The following CAPZB variants were observed in gnomAD, a reference collection of about 807,000 sequenced individuals.
The protein encoded by CAPZB is capping actin protein of muscle Z-line subunit beta.
Under a neutral mutation model 38.1 loss-of-function variants are expected in CAPZB, and 2 were observed. The observed-to-expected ratio is 0.05, with a 90% CI of 0.02 to 0.17. CAPZB has a LOEUF of 0.17. CAPZB is among the 10% of genes least tolerant of loss of function. The probability of loss-of-function intolerance (pLI) is 1.00; values close to 1 mark genes in which losing one functional copy is unlikely to be tolerated. For missense variants in CAPZB, 161 were observed against 334.2 expected (o/e 0.48, Z 4.04); for synonymous variants, 107 against 127.4 (o/e 0.84, Z 1.08).
chr1:19,376,726 G>T (rs1284856404), intron 4 of CAPZB, among the ~76,000 whole-genome samples: 1 of 152,226 alleles, frequency 6.6e-6, no homozygotes, highest in African/African-American at 2.4e-5. Context: ...CCACAATGGA[G>T]TGTGGTGAGG....
intron 1 of CAPZB, among the ~76,000 whole-genome samples, chr1:19,450,731 A>G (rs554284689): frequency 1.3e-5 from 2 of 152,300 alleles, no homozygotes; most frequent in Non-Finnish European, 2.9e-5. Flanking sequence ...CTATCCTTTC[A>G]CACTTGTGCA....
chr1:19,411,073 G>GTGGCTCACAC (rs1228564884), intron 2 of CAPZB, among the ~76,000 whole-genome samples: 2 of 152,222 alleles, frequency 1.3e-5, no homozygotes, highest in Non-Finnish European at 2.9e-5. Flanking sequence ...GCCAGGCACA[G>GTGGCTCACAC]TGGCTCACAC....
chr1:19,447,068 C>A (rs949802461), intron 1 of CAPZB, among the ~76,000 whole-genome samples: 1 of 152,172 alleles, frequency 6.6e-6, no homozygotes, highest in Non-Finnish European at 1.5e-5. Flanking sequence ...AAAAATGACA[C>A]CTGCCACACT....
At chr1:19,370,158 G>C (rs2094112205) in intron 4 of CAPZB, among the ~76,000 whole-genome samples, 1 of 152,166 alleles carries the variant, frequency 6.6e-6, no homozygotes, top group African/African-American at 2.4e-5. Context: ...TCCTGTTCCG[G>C]CCTCCACTCA....
At chr1:19,459,354 CGTTAAAGTT>C (rs1339991758) in intron 1 of CAPZB, among the ~76,000 whole-genome samples, 1 of 152,054 alleles carries the variant, frequency 6.6e-6, no homozygotes, top group African/African-American at 2.4e-5. Context: ...AATGAAAAGT[CGTTAAAGTT>C]GTTAAAGTTC....
rs1036806860 is a variant in CAPZB at position 19,378,664 on chromosome 1, G to A, written c.216-11C>T. The A allele has an allele frequency of 4.9e-6, 7 of 1,416,836 alleles. No individual in the cohort carries two copies. The Admixed American group carries it at 5.0e-5, about 10-fold the overall frequency. 87.8% of individuals were successfully genotyped at this position (1,416,836 alleles called of 1,614,324 possible). A position where few individuals can be genotyped will look rare whatever the true frequency, so the allele number is the denominator to read the frequency against. ...TTACTCCATGGTGACCTGGAGGGAA[G>A]GAAGGAAAAGTATATACCATGAATC... On this transcript the variant is annotated splice_polypyrimidine_tract_variant and intron_variant, in intron 3 of 8. Transcript: ENST00000264202.
intron 8 of CAPZB, among the ~76,000 whole-genome samples, chr1:19,340,926 G>A (rs781293318): frequency 2.0e-5 from 3 of 152,136 alleles, no homozygotes; most frequent in East Asian, 1.9e-4. Flanking sequence ...GGACTCTCAC[G>A]TTTGATTCAC....
intron 2 of CAPZB, among the ~76,000 whole-genome samples, chr1:19,386,677 C>T (rs2094205970): frequency 6.6e-6 from 1 of 152,158 alleles, no homozygotes; most frequent in Admixed American, 6.5e-5. Context: ...GGAGTCCCAC[C>T]ACCACAGGGA....
intron 1 of CAPZB, among the ~76,000 whole-genome samples, chr1:19,474,799 C>G (rs144200164): frequency 9.2e-5 from 14 of 152,280 alleles, no homozygotes; most frequent in Non-Finnish European, 8.8e-5. Context: ...CTCAAAGGCT[C>G]TGGGTACCAA....
chr1:19,350,249 C>T (rs753152778), intron 6 of CAPZB, among the ~76,000 whole-genome samples: 11 of 152,294 alleles, frequency 7.2e-5, no homozygotes, highest in Non-Finnish European at 1.5e-4. Flanking sequence ...CCCGCAGCTC[C>T]TGTGCTGCAG....
chr1:19,386,608 G>A (rs1379172901), intron 2 of CAPZB, among the ~76,000 whole-genome samples: 1 of 152,200 alleles, frequency 6.6e-6, no homozygotes, highest in Non-Finnish European at 1.5e-5. Flanking sequence ...GACAGCGACA[G>A]TGGTTCCTGT....
chr1:19,356,576 T>TCAGAACTGAGGC lies in CAPZB; in HGVS notation c.588+58_588+59insGCCTCAGTTCTG. 9.0e-7 allele frequency: 1 copy of TCAGAACTGAGGC among 1,105,494 alleles called. No individual in the cohort carries two copies. Among genetic ancestry groups the TCAGAACTGAGGC allele is most frequent in the Non-Finnish European group, 1.4e-6 (1 of 715,470 alleles). The allele number at this position is 1,105,494 out of a possible 1,614,324, so 68.5% of individuals were successfully genotyped here. On this transcript the variant is annotated intron_variant, in intron 6 of 8. Transcript: ENST00000264202. This position sits in a 1 kb window ranked among gnomAD's most constrained non-coding sequence, Gnocchi z 4.3. ...GCACCTGCTCACTCATCTCTGCAGG[T>TCAGAACTGAGGC]CAGCACTGAGGCCAGCACCTGTGGG...
At chr1:19,341,438 G>A (rs1322906297) in intron 8 of CAPZB, among the ~76,000 whole-genome samples, 1 of 152,098 alleles carries the variant, frequency 6.6e-6, no homozygotes, top group Non-Finnish European at 1.5e-5. Flanking sequence ...TGGATCACAC[G>A]AAGGAGAAAG....
chr1:19,418,446 G>A (rs896793590), intron 2 of CAPZB, among the ~76,000 whole-genome samples: 14 of 152,092 alleles, frequency 9.2e-5, no homozygotes, highest in Admixed American at 4.6e-4. Context: ...CTGAAATGTC[G>A]ACTGTCTGGC....
intron 1 of CAPZB, among the ~76,000 whole-genome samples, chr1:19,455,714 C>T (rs2094531012): frequency 6.6e-6 from 1 of 152,154 alleles, no homozygotes; most frequent in Admixed American, 6.5e-5. Flanking sequence ...GCCCTGACGC[C>T]AATTGTCACT....
chr1:19,460,270 GTTTT>G (rs1009573191), intron 1 of CAPZB, among the ~76,000 whole-genome samples: 18 of 152,130 alleles, frequency 1.2e-4, no homozygotes, highest in African/African-American at 2.9e-4. Context: ...AACAGTATTG[GTTTT>G]TTGTTTGTTT....
At chr1:19,431,291 C>A (rs1479304339) in intron 1 of CAPZB, among the ~76,000 whole-genome samples, 1 of 152,208 alleles carries the variant, frequency 6.6e-6, no homozygotes, top group East Asian at 1.9e-4. Context: ...GTAAGTTCTG[C>A]AAATATTCAA....
intron 1 of CAPZB, among the ~76,000 whole-genome samples, chr1:19,476,472 A>C (rs528641385): frequency 6.6e-6 from 1 of 152,312 alleles, no homozygotes; most frequent in South Asian, 2.1e-4. Context: ...TGCATCTTAC[A>C]CTGTATATGG....
chr1:19,414,586 T>C (rs2094371268), intron 2 of CAPZB, among the ~76,000 whole-genome samples: 1 of 152,196 alleles, frequency 6.6e-6, no homozygotes, highest in Non-Finnish European at 1.5e-5. Context: ...TCTTGCCTAG[T>C]TAAACAGATT....
Sources: gnomAD v4.1 joint callset for allele counts (sites outside exome capture counted in the v4.1 genomes callset) on GRCh38, gnomAD v4.1.1 for gene constraint, Gnocchi (gnomAD v3.1) non-coding constraint, MANE v1.5 for transcripts, NCBI Gene and HGNC (gene_info 2026-07-23, HGNC 2026-07-21) for gene names.